The following ARF1 variants were observed in gnomAD, a reference collection of about 807,000 sequenced individuals.
ARF1 encodes ARF GTPase 1, also known as ADP-ribosylation factor 1.
ARF1 carries 1 observed loss-of-function variant against 18.0 expected under a neutral mutation model. That is an observed-to-expected ratio of 0.06 (90% CI 0.02 to 0.26). The LOEUF (loss-of-function observed/expected upper bound fraction) is 0.26, where lower values mean the gene tolerates loss of function less well. Ranked by LOEUF, ARF1 falls within the 10% of genes least tolerant of loss-of-function variation. The pLI, the probability that ARF1 is intolerant of heterozygous loss-of-function variation, is 1.00. For synonymous variants in ARF1, 112 were observed against 96.3 expected (o/e 1.16, Z -0.95); for missense variants, 73 against 247.2 (o/e 0.30, Z 4.73).
intron 1 of ARF1, among the ~76,000 whole-genome samples, chr1:228,092,059 G>C (rs866761921): frequency 6.6e-6 from 1 of 152,176 alleles, no homozygotes; most frequent in African/African-American, 2.4e-5. Flanking sequence ...GCTTTGTTCA[G>C]TTTCCTCAGA....
chr1:228,097,148 C>G lies in ARF1; in HGVS notation c.34C>G (p.Leu12Val). ...CATCTTCGCCAACCTCTTCAAGGGC[C>G]TTTTTGGCAAAAAAGAAATGCGCAT... ...GNIFANLFKG[L>V]FGKKEMRILM... The change falls in exon 2 of 5, where the codon CTT becomes GTT. Residue 12 changes from leucine (L) to valine (V), a missense_variant. By Grantham distance (32) the Leu-to-Val change is conservative. Around this residue, in one of 3 missense-constraint regions of ARF1, gnomAD observed 13 missense variants for 17.2 expected, o/e 0.75. Transcript: ENST00000272102. The surrounding 1 kb of genome is among the most constrained non-coding windows in gnomAD (Gnocchi z 8.1). 1 of 1,612,784 alleles carries G rather than the reference C, an allele frequency of 6.2e-7. No individual in the cohort carries two copies. The highest frequency in any genetic ancestry group is 8.5e-7 in the Non-Finnish European group (1 of 1,179,396).
chr1:228,092,424 G>T (rs918380395), intron 1 of ARF1, among the ~76,000 whole-genome samples: 1 of 152,182 alleles, frequency 6.6e-6, no homozygotes, highest in African/African-American at 2.4e-5. Flanking sequence ...TTCCAACCTG[G>T]GTGACAGAGT....
At chr1:228,085,956 G>C (rs541766022) in intron 1 of ARF1, among the ~76,000 whole-genome samples, 15 of 152,310 alleles carry the variant, frequency 9.8e-5, no homozygotes, top group African/African-American at 3.1e-4. Flanking sequence ...GAGTTGACCA[G>C]TGATGGGCAG....
chr1:228,098,373 G>A lies in ARF1; in HGVS notation c.*360G>A, dbSNP rs1464184609. The A allele has an allele frequency of 1.1e-5, 2 of 176,288 alleles. No homozygotes were observed. The allele number at this position is 176,288 out of a possible 1,614,324, so 10.9% of individuals were successfully genotyped here. ...GCCACGCCCTTGGCTTTAGAGCTGT[G>A]TTGAAATCCATTTTGGTGGTTGGTT... On this transcript the variant is annotated 3_prime_UTR_variant, in exon 5 of 5. Transcript: ENST00000272102.
In ARF1 at chr1:228,098,187, A is replaced by C. The variant is rs1478047230; in HGVS notation, c.*174A>C. The C allele has an allele frequency of 5.4e-6, 4 of 734,944 alleles. No homozygotes were observed. The highest frequency in any genetic ancestry group is 8.3e-6 in the Non-Finnish European group (4 of 484,186). The allele number at this position is 734,944 out of a possible 1,614,324, so 45.5% of individuals were successfully genotyped here. A position where few individuals can be genotyped will look rare whatever the true frequency, so the allele number is the denominator to read the frequency against. ...TGCGGCCAGGCTTTTTATTTAATGT[A>C]AATAGTTTTTGTTTCCAATGAGGCA... On this transcript the variant is annotated 3_prime_UTR_variant, in exon 5 of 5. Coordinates refer to ENST00000272102, the MANE Select transcript of ARF1 (RefSeq NM_001658.4).
At chr1:228,083,495 A>G (rs2032289798) in intron 1 of ARF1, 1 of 152,234 alleles carries the variant, frequency 6.6e-6, no homozygotes, top group South Asian at 2.1e-4. Context: ...CCTTCACACC[A>G]GTGAGACGCA....
chr1:228,086,470 C>T (rs542243644), intron 1 of ARF1, among the ~76,000 whole-genome samples: 83 of 151,178 alleles, frequency 5.5e-4, no homozygotes, highest in African/African-American at 1.8e-3. Flanking sequence ...GAGCAGAGAT[C>T]GCGCCACTGC....
intron 1 of ARF1, among the ~76,000 whole-genome samples, chr1:228,083,960 C>T (rs2032306707): frequency 6.6e-6 from 1 of 152,228 alleles, no homozygotes; most frequent in Admixed American, 6.5e-5. Flanking sequence ...GAGTTGGTGC[C>T]ACTGCCCCTG....
At chr1:228,086,825 GATT>G (rs2032418493) in intron 1 of ARF1, among the ~76,000 whole-genome samples, 1 of 152,216 alleles carries the variant, frequency 6.6e-6, no homozygotes, top group Admixed American at 6.5e-5. Context: ...TGGGAACCCT[GATT>G]TATAGATGGC....
At chr1:228,085,869 C>T (rs1339863772) in intron 1 of ARF1, among the ~76,000 whole-genome samples, 1 of 152,200 alleles carries the variant, frequency 6.6e-6, no homozygotes. Context: ...TTGCAAAATA[C>T]ATATCTGGCC....
rs1219780657 is a variant in ARF1 at position 228,098,122 on chromosome 1, G to A, written c.*109G>A. 38 of 1,353,640 alleles carry A rather than the reference G, an allele frequency of 2.8e-5. No individual in the cohort carries two copies. Among genetic ancestry groups the A allele is most frequent in the African/African-American group, 4.4e-5 (3 of 68,376 alleles). The allele number at this position is 1,353,640 out of a possible 1,614,324, so 83.9% of individuals were successfully genotyped here. On this transcript the variant is annotated 3_prime_UTR_variant, in exon 5 of 5. Coordinates refer to ENST00000272102, the MANE Select transcript of ARF1 (RefSeq NM_001658.4). ...AAGCTGCCTCCGTGGTTTGGTCACC[G>A]TGTGCATCGCACCGTGCTGTAAATG...
chr1:228,097,103 CT>C lies in ARF1; in HGVS notation c.-11del. 6.3e-7 allele frequency: 1 copy of C among 1,589,074 alleles called. No homozygotes were observed. The highest frequency in any genetic ancestry group is 8.6e-7 in the Non-Finnish European group (1 of 1,167,356). On this transcript the variant is annotated 5_prime_UTR_variant, in exon 2 of 5. Coordinates refer to ENST00000272102, the MANE Select transcript of ARF1 (RefSeq NM_001658.4). The surrounding 1 kb of genome is among the most constrained non-coding windows in gnomAD (Gnocchi z 8.1). ...GTGTCCCTGGCCAGTGTCCTTCCAC[CT>C]GTCCACAAGCATGGGGAACATCTTC...
At chr1:228,083,522 C>T (rs1451293129) in intron 1 of ARF1, 1 of 152,302 alleles carries the variant, frequency 6.6e-6, no homozygotes, top group African/African-American at 2.4e-5. Flanking sequence ...GGTCAGCACT[C>T]AGGGCACCGG....
chr1:228,083,625 GTGAATCTTTAACCTACC>G (rs1473117212), intron 1 of ARF1: 2 of 152,294 alleles, frequency 1.3e-5, no homozygotes, highest in African/African-American at 2.4e-5. Context: ...TTCTGAGCTG[GTGAATCTTTAACCTACC>G]TGAATCTTTA....
chr1:228,087,200 C>T (rs1372747138), intron 1 of ARF1, among the ~76,000 whole-genome samples: 1 of 152,190 alleles, frequency 6.6e-6, no homozygotes, highest in African/African-American at 2.4e-5. Context: ...GACATCTTTC[C>T]ATTTGTGTCA....
At chr1:228,086,721 T>C (rs2032415553) in intron 1 of ARF1, among the ~76,000 whole-genome samples, 1 of 152,164 alleles carries the variant, frequency 6.6e-6, no homozygotes, top group East Asian at 1.9e-4. Context: ...GTATCCTTTG[T>C]AACATCCTTT....
chr1:228,097,815 G>C lies in ARF1; in HGVS notation c.385-37G>C, dbSNP rs769527124. ...CTGGTGGGGCCCCTTTCTCTGTCCT[G>C]TGGACAGCCCTTCCCACCAACCCTT... On this transcript the variant is annotated intron_variant, in intron 4 of 4. Transcript: ENST00000272102. This position sits in a 1 kb window ranked among gnomAD's most constrained non-coding sequence, Gnocchi z 8.1. 1 of 1,602,708 alleles carries C rather than the reference G, an allele frequency of 6.2e-7. No individual in the cohort carries two copies. The highest frequency in any genetic ancestry group is 8.5e-7 in the Non-Finnish European group (1 of 1,173,400).
At chr1:228,085,283 T>C (rs2032356552) in intron 1 of ARF1, among the ~76,000 whole-genome samples, 1 of 152,258 alleles carries the variant, frequency 6.6e-6, no homozygotes, top group South Asian at 2.1e-4. Context: ...CAGGTTAATA[T>C]TCTCCTGTGA....
intron 1 of ARF1, among the ~76,000 whole-genome samples, chr1:228,092,019 A>G (rs1395442388): frequency 6.6e-6 from 1 of 152,170 alleles, no homozygotes; most frequent in Admixed American, 6.5e-5. Context: ...ATGTTATGTA[A>G]TGTACATGAG....
Sources: allele counts gnomAD v4.1 joint callset (sites outside exome capture counted in the v4.1 genomes callset), GRCh38; gene constraint gnomAD v4.1.1; regional missense constraint gnomAD v4.1.1; non-coding constraint Gnocchi (gnomAD v3.1); transcripts MANE v1.5; gene names NCBI Gene and HGNC (gene_info 2026-07-23, HGNC 2026-07-21).